The following GNB1 variants were observed in gnomAD, a reference collection of about 807,000 sequenced individuals.
GNB1 encodes the protein G protein subunit beta 1.
A neutral mutation model predicts 42.9 loss-of-function variants in GNB1; 2 were observed. The ratio of observed to expected loss-of-function variants is 0.05; its 90% CI spans 0.02 to 0.15. GNB1 has a LOEUF of 0.15. Among genes scored for constraint, GNB1 ranks in the 10% least tolerant of loss-of-function variants. GNB1 has a pLI of 1.00. For synonymous variants in GNB1, 183 were observed against 174.7 expected (o/e 1.05, Z -0.38); for missense variants, 193 against 462.2 (o/e 0.42, Z 5.34).
chr1:1,873,130 C>A (rs1425020541), intron 1 of GNB1, among the ~76,000 whole-genome samples: 1 of 152,032 alleles, frequency 6.6e-6, no homozygotes, highest in Non-Finnish European at 1.5e-5. Context: ...AAACTCCTGG[C>A]CTCAAGCCAT....
intron 1 of GNB1, among the ~76,000 whole-genome samples, chr1:1,857,299 C>T (rs1648359025): frequency 6.7e-6 from 1 of 148,632 alleles, no homozygotes; most frequent in African/African-American, 2.4e-5. Context: ...TCTCGGATGG[C>T]TCTTGGGGCT....
At chr1:1,889,400 C>CA (rs1305829937) in intron 1 of GNB1, among the ~76,000 whole-genome samples, 1 of 152,192 alleles carries the variant, frequency 6.6e-6, no homozygotes, top group Admixed American at 6.5e-5. Flanking sequence ...ACTATTTACC[C>CA]ATAAGTCCAG....
intron 7 of GNB1, among the ~76,000 whole-genome samples, chr1:1,797,610 G>C (rs1219687471): frequency 1.3e-5 from 2 of 152,074 alleles, no homozygotes; most frequent in South Asian, 2.1e-4. Flanking sequence ...GCTAATTTTT[G>C]TATTTTTAGT....
chr1:1,818,055 G>A, intron 3 of GNB1, 180 bp from the exon 4 acceptor site: 1 of 548,900 alleles, frequency 1.8e-6, no homozygotes, highest in South Asian at 1.9e-5. Context: ...TCTGTGGACT[G>A]TCCAGGCCAC....
intron 3 of GNB1, among the ~76,000 whole-genome samples, chr1:1,822,610 C>T (rs993383338): frequency 6.6e-6 from 1 of 152,078 alleles, no homozygotes; most frequent in Non-Finnish European, 1.5e-5. Flanking sequence ...CCACCGCGCC[C>T]GACCTCTTTT....
intron 7 of GNB1, among the ~76,000 whole-genome samples, chr1:1,802,201 T>C (rs1205140692): frequency 6.6e-6 from 1 of 152,148 alleles, no homozygotes; most frequent in Non-Finnish European, 1.5e-5. Context: ...AACATGTATG[T>C]AGAAAATCAG....
At chr1:1,810,935 T>C (rs1646767847) in intron 5 of GNB1, among the ~76,000 whole-genome samples, 1 of 152,006 alleles carries the variant, frequency 6.6e-6, no homozygotes, top group Admixed American at 6.6e-5. Flanking sequence ...CCCAAAGTGC[T>C]GGGATTATAG....
chr1:1,885,840 G>A (rs532882247), intron 1 of GNB1, among the ~76,000 whole-genome samples: 1 of 148,174 alleles, frequency 6.7e-6, no homozygotes, highest in Admixed American at 6.7e-5. Flanking sequence ...TTACAGGCGT[G>A]AGCCACCGTG....
intron 1 of GNB1, among the ~76,000 whole-genome samples, chr1:1,884,426 G>A (rs1650033128): frequency 6.6e-6 from 1 of 152,026 alleles, no homozygotes; most frequent in Non-Finnish European, 1.5e-5. Context: ...TGGTCAGGCT[G>A]GTCTTGAACT....
At chr1:1,873,990 GA>G (rs1173392365) in intron 1 of GNB1, among the ~76,000 whole-genome samples, 1 of 152,214 alleles carries the variant, frequency 6.6e-6, no homozygotes, top group East Asian at 1.9e-4. Context: ...TTTCACAGGG[GA>G]AGGAAAGATT....
intron 1 of GNB1, among the ~76,000 whole-genome samples, chr1:1,879,298 T>C (rs745988990): frequency 5.3e-5 from 8 of 152,192 alleles, no homozygotes; most frequent in Non-Finnish European, 1.0e-4. Context: ...TTTATGAGGG[T>C]TTGATCTATC....
At chr1:1,812,977 G>C (rs1490525322) in intron 5 of GNB1, among the ~76,000 whole-genome samples, 1 of 152,030 alleles carries the variant, frequency 6.6e-6, no homozygotes, top group African/African-American at 2.4e-5. Context: ...TGGCAGTGCA[G>C]TGCTCTGAGT....
Position 1,851,171 on chromosome 1 carries a change from G to A in GNB1, c.-95-11933C>T, listed in dbSNP as rs191036159. Among the ~76,000 whole-genome samples the A allele has an allele frequency of 3.7e-4, 56 of 152,332 alleles. 1 individual carries two copies. The East Asian group carries it at 0.01, about 28-fold the overall frequency. On this transcript the variant is annotated intron_variant, in intron 1 of 11. Transcript: ENST00000378609. ...ATGCCTGCAATTCCCAGCACTTTGG[G>A]AGGCCGAGACGTGTGGATCACCTGA...
intron 10 of GNB1, chr1:1,788,677 T>A (rs1646438850): frequency 5.0e-6 from 1 of 199,756 alleles, no homozygotes; most frequent in Non-Finnish European, 1.1e-5. Context: ...CACCTGGCAA[T>A]AACACGCTTG....
intron 1 of GNB1, among the ~76,000 whole-genome samples, chr1:1,889,346 G>C (rs1650337277): frequency 6.6e-6 from 1 of 152,126 alleles, no homozygotes; most frequent in Non-Finnish European, 1.5e-5. Flanking sequence ...AAAATACAAT[G>C]AACCAATGCT....
intron 1 of GNB1, among the ~76,000 whole-genome samples, chr1:1,848,047 C>T (rs1438478426): frequency 6.6e-6 from 1 of 151,964 alleles, no homozygotes; most frequent in East Asian, 1.9e-4. Flanking sequence ...CTAAAGCATA[C>T]AACAGAAGGT....
chr1:1,889,568 T>A (rs954648877), intron 1 of GNB1, among the ~76,000 whole-genome samples: 2 of 151,928 alleles, frequency 1.3e-5, no homozygotes, highest in Non-Finnish European at 2.9e-5. Flanking sequence ...TCCCAGCACT[T>A]TGGGAGGCTG....
At chr1:1,871,407 C>T (rs1036188558) in intron 1 of GNB1, among the ~76,000 whole-genome samples, 4 of 152,084 alleles carry the variant, frequency 2.6e-5, no homozygotes, top group Admixed American at 1.3e-4. Context: ...TTGCAGTGAG[C>T]CCAGATCGCG....
At chr1:1,854,988 G>A (rs954115220) in intron 1 of GNB1, among the ~76,000 whole-genome samples, 28 of 151,946 alleles carry the variant, frequency 1.8e-4, no homozygotes, top group African/African-American at 6.3e-4. Context: ...GTGAAACCCC[G>A]TCTCTACTAA....
Sources: gnomAD v4.1 joint callset for allele counts (sites outside exome capture counted in the v4.1 genomes callset) on GRCh38, gnomAD v4.1.1 for gene constraint, MANE v1.5 for transcripts, NCBI Gene and HGNC (gene_info 2026-07-23, HGNC 2026-07-21) for gene names.